BAZ1B: variants seen among roughly 807,000 people sequenced by gnomAD.
BAZ1B encodes tyrosine-protein kinase BAZ1B.
A neutral mutation model predicts 153.8 loss-of-function variants in BAZ1B; 22 were observed. The ratio of observed to expected loss-of-function variants is 0.14; its 90% CI spans 0.10 to 0.20. The LOEUF (loss-of-function observed/expected upper bound fraction) is 0.20, where lower values mean the gene tolerates loss of function less well. BAZ1B is among the 10% of genes least tolerant of loss of function. The probability of loss-of-function intolerance (pLI) is 1.00; values close to 1 mark genes in which losing one functional copy is unlikely to be tolerated. For synonymous variants in BAZ1B, 676 were observed against 633.4 expected (o/e 1.07, Z -1.01); for missense variants, 1,325 against 1,799.3 (o/e 0.74, Z 4.77).
At chr7:73,474,923 T>A (rs1018001660) in intron 7 of BAZ1B, among the ~76,000 whole-genome samples, 5 of 152,154 alleles carry the variant, frequency 3.3e-5, no homozygotes, top group African/African-American at 1.2e-4. Flanking sequence ...GGGCAAATGA[T>A]CTGAATACTT....
intron 5 of BAZ1B, among the ~76,000 whole-genome samples, chr7:73,490,844 ATCC>A (rs1789609947): frequency 6.6e-6 from 1 of 151,740 alleles, no homozygotes; most frequent in African/African-American, 2.4e-5. Context: ...AGCTCAGGTG[ATCC>A]ACCTGCCTCG....
Position 73,444,060 on chromosome 7 carries a change from G to A in BAZ1B, c.3914C>T (p.Pro1305Leu), listed in dbSNP as rs782100547. Residue 1305 changes from proline (P) to leucine (L), a missense_variant, in exon 17 of 20, where the codon CCG becomes CTG. By Grantham distance (98) the Pro-to-Leu change is moderately conservative (BLOSUM62 -3). This residue lies in a region of BAZ1B where 271 missense variants were observed against 337.2 expected (regional missense o/e 0.80). Coordinates refer to ENST00000339594, the MANE Select transcript of BAZ1B (RefSeq NM_032408.4). ...IPPAARSGRR[P>L]GKKPHSTRRS... is the part of the protein sequence containing the mutation. ...CCTGGTAGAGTGTGGCTTCTTACCC[G>A]GGCGCCGGCCTGACCTTGCTGCAGG... 1.3e-4 allele frequency: 202 copies of A among 1,613,528 alleles called. No individual in the cohort carries two copies. The highest frequency in any genetic ancestry group is 1.6e-4 in the Non-Finnish European group (184 of 1,179,820).
chr7:73,515,540 T>TC (rs1280732215), intron 1 of BAZ1B, among the ~76,000 whole-genome samples: 1 of 147,662 alleles, frequency 6.8e-6, no homozygotes, highest in Non-Finnish European at 1.5e-5. Context: ...CCTTTTTTTT[T>TC]TTTTTTTTTT....
chr7:73,472,740 CTAAT>C (rs1213543136), intron 7 of BAZ1B, among the ~76,000 whole-genome samples: 34 of 81,512 alleles, frequency 4.2e-4, no homozygotes, highest in Non-Finnish European at 5.6e-4. Flanking sequence ...CCACAGCCAG[CTAAT>C]TTATTTATTT....
At chr7:73,464,775 G>C (rs782639204) in intron 11 of BAZ1B, among the ~76,000 whole-genome samples, 8 of 152,166 alleles carry the variant, frequency 5.3e-5, no homozygotes, top group Non-Finnish European at 1.0e-4. Flanking sequence ...ACCCAGGCCA[G>C]AGTGCAGGGG....
chr7:73,470,548 T>A (rs1788763049), intron 7 of BAZ1B, 65 bp from the exon 8 acceptor site: 1 of 1,567,942 alleles, frequency 6.4e-7, no homozygotes, highest in Admixed American at 1.9e-5. Flanking sequence ...ACAAATTAAA[T>A]AAAATATGGA....
intron 4 of BAZ1B, among the ~76,000 whole-genome samples, chr7:73,494,185 C>A (rs577168851): frequency 2.0e-5 from 3 of 152,064 alleles, no homozygotes; most frequent in African/African-American, 7.2e-5. Flanking sequence ...AATTCGAGAC[C>A]AGCCTGGCCA....
chr7:73,510,860 C>G lies in BAZ1B; in HGVS notation c.108-8G>C. 6.2e-7 allele frequency: 1 copy of G among 1,611,546 alleles called. No homozygotes were observed. Among genetic ancestry groups the G allele is most frequent in the Non-Finnish European group, 8.5e-7 (1 of 1,177,856 alleles). Reference sequence around the variant, plus strand: ...AAGCGGGCTTCATACTCTCTGTTGGCAGTAGTTCAGGAAAACAATATGCAA... The same window carrying G: ...AAGCGGGCTTCATACTCTCTGTTGGGAGTAGTTCAGGAAAACAATATGCAA... On this transcript the variant is annotated splice_polypyrimidine_tract_variant and splice_region_variant and intron_variant, in intron 1 of 19. Coordinates refer to ENST00000339594, the MANE Select transcript of BAZ1B (RefSeq NM_032408.4).
intron 7 of BAZ1B, among the ~76,000 whole-genome samples, chr7:73,475,480 A>T (rs577740965): frequency 6.6e-6 from 1 of 152,270 alleles, no homozygotes. Context: ...AAAAGGCTAC[A>T]TATTATATGA....
chr7:73,475,222 T>C (rs1788953167), intron 7 of BAZ1B, among the ~76,000 whole-genome samples: 1 of 152,214 alleles, frequency 6.6e-6, no homozygotes, highest in Non-Finnish European at 1.5e-5. Flanking sequence ...TATTCCGAGG[T>C]ATTTACTCTA....
At chr7:73,442,581 T>C (rs781808285) in intron 18 of BAZ1B, 28 bp from the exon 19 acceptor site, 1 of 1,591,590 alleles carries the variant, frequency 6.3e-7, no homozygotes, top group South Asian at 1.1e-5. Context: ...ATGGAGAATC[T>C]GCACAGCCTT....
intron 13 of BAZ1B, 127 bp from the exon 14 acceptor site, chr7:73,451,121 C>A: frequency 8.3e-7 from 1 of 1,209,158 alleles, no homozygotes; most frequent in East Asian, 2.6e-5. Context: ...CTAATCTAAA[C>A]CATTTATTCT....
chr7:73,515,918 A>G (rs1762325329), intron 1 of BAZ1B, among the ~76,000 whole-genome samples: 1 of 151,910 alleles, frequency 6.6e-6, no homozygotes, highest in Non-Finnish European at 1.5e-5. Context: ...GCAGAGGGGA[A>G]CGGATCACTT....
At chr7:73,475,641 G>A (rs1207062710) in intron 7 of BAZ1B, among the ~76,000 whole-genome samples, 2 of 151,876 alleles carry the variant, frequency 1.3e-5, no homozygotes, top group East Asian at 1.9e-4. Context: ...TGGCTGGCCC[G>A]GCATGGTGGC....
chr7:73,452,945 A>C (rs1554568731), intron 13 of BAZ1B, among the ~76,000 whole-genome samples: 1 of 152,226 alleles, frequency 6.6e-6, no homozygotes, highest in African/African-American at 2.4e-5. Context: ...TTGCCAAACA[A>C]TATATCAGTC....
intron 13 of BAZ1B, among the ~76,000 whole-genome samples, chr7:73,456,937 C>CAAAAAAAAA (rs71071937): frequency 7.6e-5 from 3 of 39,582 alleles, no homozygotes; most frequent in African/African-American, 1.8e-4. Flanking sequence ...GACTCTGTCT[C>CAAAAAAAAA]AAAAAAAAAA....
intron 7 of BAZ1B, among the ~76,000 whole-genome samples, chr7:73,471,523 T>A (rs1411578153): frequency 6.6e-6 from 1 of 152,154 alleles, no homozygotes; most frequent in Non-Finnish European, 1.5e-5. Context: ...AAGTGTTTAT[T>A]ATTTTTTTAG....
chr7:73,510,259 C>T (rs1203128682), intron 2 of BAZ1B, among the ~76,000 whole-genome samples: 1 of 152,084 alleles, frequency 6.6e-6, no homozygotes, highest in Non-Finnish European at 1.5e-5. Context: ...GAAACCCCAT[C>T]TCTACTAAAA....
chr7:73,471,000 G>A (rs1554571920), intron 7 of BAZ1B, among the ~76,000 whole-genome samples: 2 of 152,116 alleles, frequency 1.3e-5, no homozygotes. Context: ...CCCTCAAAGT[G>A]CTGGGATTAT....
Sources: gnomAD v4.1 joint callset for allele counts (sites outside exome capture counted in the v4.1 genomes callset) on GRCh38, gnomAD v4.1.1 for gene constraint, gnomAD v4.1.1 regional missense constraint, MANE v1.5 for transcripts, NCBI Gene and HGNC (gene_info 2026-07-23, HGNC 2026-07-21) for gene names.